The following PCNX4 variants were observed in gnomAD, a reference collection of about 807,000 sequenced individuals.
The protein encoded by PCNX4 is pecanex-like protein 4.
In PCNX4, 103 loss-of-function variants were observed where a neutral mutation model predicts 107.2. That is an observed-to-expected ratio of 0.96 (90% CI 0.82 to 1.13). The LOEUF is 1.13. Ranked by LOEUF, PCNX4 falls within the 50% of genes most tolerant of loss-of-function variation. The pLI, the probability that PCNX4 is intolerant of heterozygous loss-of-function variation, is 0.00. For missense variants in PCNX4, 1,528 were observed against 1,379.4 expected (o/e 1.11, Z -1.71); for synonymous variants, 541 against 481.7 (o/e 1.12, Z -1.61).
rs1359627442 is a variant in PCNX4 at position 60,115,346 on chromosome 14, T to G, written c.1242T>G (p.Ile414Met). 1 of 1,605,650 alleles carries G rather than the reference T, an allele frequency of 6.2e-7. No individual in the cohort carries two copies. Among genetic ancestry groups the G allele is most frequent in the African/African-American group, 1.3e-5 (1 of 74,842 alleles). The change falls in exon 4 of 11, where the codon ATT (isoleucine) becomes ATG (methionine). Residue 414 changes from isoleucine to methionine, a missense_variant. Physicochemically the swap from Ile to Met is conservative, Grantham distance 10. Transcript: ENST00000406854. Reference protein sequence around the residue: ...ILREIQSVYIIGIFRNPFYPK... With the variant: ...ILREIQSVYIMGIFRNPFYPK... ...GAGAAATTCAAAGCGTATATATCAT[T>G]GGAATTTTCCGAAATCCCTTTTATC... is the stretch of plus-strand genomic sequence containing the variant.
At position 60,141,230 on chromosome 14, in the gene PCNX4, C is replaced by A. The variant is rs1196405811; in HGVS notation, c.*7009C>A. The stretch of plus-strand genomic sequence containing the variant: ...CTCAGCACAATAACCTAAGTTCCCA[C>A]CACAAGAAACAAGAAAAAGAATAGC... On this transcript the variant is annotated 3_prime_UTR_variant, in exon 11 of 11. Transcript: ENST00000406854. 6.6e-6 allele frequency: 1 copy of A among 152,030 alleles called. No individual in the cohort carries two copies. Among genetic ancestry groups the A allele is most frequent in the Non-Finnish European group, 1.5e-5 (1 of 68,008 alleles). 9.4% of individuals were successfully genotyped at this position (152,030 alleles called of 1,614,324 possible). A position where few individuals can be genotyped will look rare whatever the true frequency, so the allele number is the denominator to read the frequency against.
At chr14:60,102,649 C>A (rs1895555153) in intron 1 of PCNX4, among the ~76,000 whole-genome samples, 1 of 152,118 alleles carries the variant, frequency 6.6e-6, no homozygotes. Flanking sequence ...GTTGTGATGT[C>A]ATCTTTATCC....
In PCNX4 at chr14:60,147,807, A is replaced by AG; in HGVS notation, c.*13588dup. 6.6e-6 allele frequency: 1 copy of AG among 152,358 alleles called. No homozygotes were observed. Among genetic ancestry groups the AG allele is most frequent in the African/African-American group, 2.4e-5 (1 of 41,562 alleles). 9.4% of individuals were successfully genotyped at this position (152,358 alleles called of 1,614,324 possible). The stretch of plus-strand genomic sequence containing the variant: ...ATTTGAACCCAGGTAGCCTAGCACC[A>AG]GGCTGCATGCTCTGCCAGGAGGCTG... On this transcript the variant is annotated 3_prime_UTR_variant, in exon 11 of 11. Coordinates refer to ENST00000406854, the MANE Select transcript of PCNX4 (RefSeq NM_001330177.2).
chr14:60,112,580 T>C (rs1895759463), intron 2 of PCNX4, among the ~76,000 whole-genome samples: 1 of 152,220 alleles, frequency 6.6e-6, no homozygotes, highest in South Asian at 2.1e-4. Context: ...CCATTGCTTA[T>C]TGTTAAAGGA....
At chr14:60,128,305 G>A (rs1039846974) in intron 10 of PCNX4, among the ~76,000 whole-genome samples, 4 of 152,122 alleles carry the variant, frequency 2.6e-5, no homozygotes, top group African/African-American at 4.8e-5. Context: ...TAAAAATGTG[G>A]AAATCCAAAG....
rs538119757 is a variant in PCNX4 at position 60,137,490 on chromosome 14, A to T, written c.*3269A>T. ...TGCAGCCGCTACCCAGAGCAAATGT[A>T]AATCCTCTCTGGACTGATCTTTTGA... On this transcript the variant is annotated 3_prime_UTR_variant, in exon 11 of 11. Coordinates refer to ENST00000406854, the MANE Select transcript of PCNX4 (RefSeq NM_001330177.2). 1.3e-5 allele frequency: 2 copies of T among 152,378 alleles called. No individual in the cohort carries two copies. The highest frequency in any genetic ancestry group is 3.9e-4 in the East Asian group (2 of 5,186). 9.4% of individuals were successfully genotyped at this position (152,378 alleles called of 1,614,324 possible). A position where few individuals can be genotyped will look rare whatever the true frequency, so the allele number is the denominator to read the frequency against.
intron 8 of PCNX4, among the ~76,000 whole-genome samples, chr14:60,121,784 T>C (rs1895960450): frequency 6.6e-6 from 1 of 152,180 alleles, no homozygotes; most frequent in Non-Finnish European, 1.5e-5. Flanking sequence ...TTGACCCTAC[T>C]ACTCCACCCA....
intron 2 of PCNX4, among the ~76,000 whole-genome samples, chr14:60,114,081 G>C (rs1895790454): frequency 6.6e-6 from 1 of 152,172 alleles, no homozygotes; most frequent in Non-Finnish European, 1.5e-5. Flanking sequence ...CTTAGGTTAA[G>C]CTGCAGAGAT....
chr14:60,095,284 A>G (rs1207690313), intron 1 of PCNX4, among the ~76,000 whole-genome samples: 1 of 152,216 alleles, frequency 6.6e-6, no homozygotes, highest in Non-Finnish European at 1.5e-5. Flanking sequence ...GGCAGAGGAA[A>G]ATATTAGGGG....
intron 1 of PCNX4, among the ~76,000 whole-genome samples, 159 bp from the exon 2 acceptor site, chr14:60,107,427 A>C (rs1170440315): frequency 1.3e-5 from 2 of 152,226 alleles, no homozygotes; most frequent in Admixed American, 6.5e-5. Context: ...AAAACTAGCA[A>C]CTTAGTGTCA....
intron 1 of PCNX4, among the ~76,000 whole-genome samples, chr14:60,104,802 C>A (rs748168437): frequency 1.3e-5 from 2 of 152,124 alleles, no homozygotes; most frequent in African/African-American, 4.8e-5. Context: ...CAGGTCCCTC[C>A]GACAACACAT....
chr14:60,135,847 GCCATAATTATCACTTTT>G lies in PCNX4; in HGVS notation c.*1627_*1643del, dbSNP rs1443274485. 1 of 152,106 alleles carries G rather than the reference GCCATAATTATCACTTTT, an allele frequency of 6.6e-6. No individual in the cohort carries two copies. Among genetic ancestry groups the G allele is most frequent in the East Asian group, 1.9e-4 (1 of 5,196 alleles). 9.4% of individuals were successfully genotyped at this position (152,106 alleles called of 1,614,324 possible). On this transcript the variant is annotated 3_prime_UTR_variant, in exon 11 of 11. Coordinates refer to ENST00000406854, the MANE Select transcript of PCNX4 (RefSeq NM_001330177.2). ...TTACAGGCGTGAGCCACCGTGCCCA[GCCATAATTATCACTTTT>G]AATGACAGCATAAAATTCCATTGAT...
Position 60,134,465 on chromosome 14 carries a change from G to A in PCNX4, c.*244G>A. ...ATTTGTGCCCTCTGGACTTTAGTAG[G>A]CTTTGGTAAATGTGAGAAAACTTTT... On this transcript the variant is annotated 3_prime_UTR_variant, in exon 11 of 11. Transcript: ENST00000406854. The A allele has an allele frequency of 2.4e-6, 1 of 420,360 alleles. No individual in the cohort carries two copies. The highest frequency in any genetic ancestry group is 4.2e-6 in the Non-Finnish European group (1 of 238,774). 26.0% of individuals were successfully genotyped at this position (420,360 alleles called of 1,614,324 possible).
rs1407750327 is a variant in PCNX4, at chr14:60,138,777, G to A, written c.*4556G>A. On this transcript the variant is annotated 3_prime_UTR_variant, in exon 11 of 11. Transcript: ENST00000406854. ...AGAAAAAGGTTAGAGATAAAGGTAG[G>A]AATGAACAGTAATTTAAAAATATAT... 2 of 152,016 alleles carry A rather than the reference G, an allele frequency of 1.3e-5. No individual in the cohort carries two copies. Among genetic ancestry groups the A allele is most frequent in the Non-Finnish European group, 1.5e-5 (1 of 67,978 alleles). The allele number at this position is 152,016 out of a possible 1,614,324, so 9.4% of individuals were successfully genotyped here. A position where few individuals can be genotyped will look rare whatever the true frequency, so the allele number is the denominator to read the frequency against.
intron 2 of PCNX4, chr14:60,110,999 C>T (rs974489969): frequency 5.4e-5 from 9 of 167,010 alleles, no homozygotes. Context: ...TGCCAAAGAG[C>T]TTGATGTCTC....
chr14:60,098,868 G>A (rs936270561), intron 1 of PCNX4, among the ~76,000 whole-genome samples: 1 of 151,798 alleles, frequency 6.6e-6, no homozygotes, highest in African/African-American at 2.4e-5. Context: ...AACCCGAGAG[G>A]CGGAGGTTGC....
chr14:60,131,357 A>T (rs1276166486), intron 10 of PCNX4, among the ~76,000 whole-genome samples: 5 of 152,242 alleles, frequency 3.3e-5, no homozygotes, highest in African/African-American at 1.2e-4. Context: ...TGATTAACAA[A>T]TTCAGGATGG....
chr14:60,093,017 C>T (rs1895338020), intron 1 of PCNX4, among the ~76,000 whole-genome samples: 1 of 152,182 alleles, frequency 6.6e-6, no homozygotes, highest in Admixed American at 6.5e-5. Flanking sequence ...GACTGCCCTT[C>T]ATGTTATTTG....
In PCNX4 at chr14:60,144,769, G is replaced by A. The variant is rs1445062345; in HGVS notation, c.*10548G>A. 8.6e-6 allele frequency: 5 copies of A among 582,472 alleles called. No individual in the cohort carries two copies. In the African/African-American group the frequency reaches 9.6e-5, roughly 11 times the overall value. 36.1% of individuals were successfully genotyped at this position (582,472 alleles called of 1,614,324 possible). ...TATTTTATCCAAGAATATAGTATGA[G>A]TTAATACCTTTTTTGCAAGATTCAT... On this transcript the variant is annotated 3_prime_UTR_variant, in exon 11 of 11. Coordinates refer to ENST00000406854, the MANE Select transcript of PCNX4 (RefSeq NM_001330177.2).
Sources: allele counts gnomAD v4.1 joint callset (sites outside exome capture counted in the v4.1 genomes callset), GRCh38; gene constraint gnomAD v4.1.1; transcripts MANE v1.5; gene names NCBI Gene and HGNC (gene_info 2026-07-23, HGNC 2026-07-21).